Variants in NWD1 observed in about 807,000 individuals in gnomAD.
NWD1 encodes the protein NACHT domain- and WD repeat-containing protein 1.
A neutral mutation model predicts 135.1 loss-of-function variants in NWD1; 129 were observed. That is an observed-to-expected ratio of 0.96 (90% CI 0.83 to 1.11). NWD1 has a LOEUF of 1.11. NWD1 is among the 50% of genes least tolerant of loss of function. The pLI is 0.00. For missense variants in NWD1, 1,740 were observed against 1,851.3 expected, an observed-to-expected ratio of 0.94 and a Z score of 1.10; for synonymous variants, 773 against 786.0, an observed-to-expected ratio of 0.98 and a Z score of 0.28.
chr19:16,758,978 T>C (rs1208729466), intron 6 of NWD1, among the ~76,000 whole-genome samples: 2 of 116,814 alleles, frequency 1.7e-5, no homozygotes, highest in East Asian at 2.9e-4. Context: ...CACTCCAACC[T>C]GGGCGACAGA....
chr19:16,771,977 G>C (rs1434086106), intron 10 of NWD1, among the ~76,000 whole-genome samples: 1 of 151,758 alleles, frequency 6.6e-6, no homozygotes, highest in Non-Finnish European at 1.5e-5. Context: ...TTTCTTAATA[G>C]CCCATTTTTT....
intron 17 of NWD1, among the ~76,000 whole-genome samples, chr19:16,805,692 T>C (rs574762455): frequency 5.0e-4 from 76 of 152,170 alleles, no homozygotes; most frequent in Non-Finnish European, 9.3e-4. Context: ...CCTCGAGAAT[T>C]GTAACCTCAC....
chr19:16,813,534 T>G (rs1279142376), intron 18 of NWD1, among the ~76,000 whole-genome samples: 1 of 152,090 alleles, frequency 6.6e-6, no homozygotes, highest in Non-Finnish European at 1.5e-5. Flanking sequence ...TGGAGTGCAG[T>G]GGTGCAATCT....
chr19:16,807,851 G>C lies in NWD1; in HGVS notation c.4002G>C (p.Pro1334=). Residue 1334 remains proline, a synonymous_variant, in exon 18 of 19, where the codon CCG becomes CCC. Transcript: ENST00000524140. ...ACATCACCTCCGGGGACCCCTGCCC[G>C]GTCATCGATGGGCCAAGATACACCT... ...VLDITSGDPC[P]VIDGPRYTFY... 1 of 1,614,134 alleles carries C rather than the reference G, an allele frequency of 6.2e-7. No individual in the cohort carries two copies. The highest frequency in any genetic ancestry group is 8.5e-7 in the Non-Finnish European group (1 of 1,180,040).
chr19:16,795,081 G>C (rs1970375542), intron 15 of NWD1, among the ~76,000 whole-genome samples: 1 of 152,230 alleles, frequency 6.6e-6, no homozygotes, highest in African/African-American at 2.4e-5. Flanking sequence ...ATTGCGCCCA[G>C]CCCTTTCTTT....
At chr19:16,781,178 T>C (rs773927) in intron 12 of NWD1, among the ~76,000 whole-genome samples, 13,918 of 152,202 alleles carry the variant, frequency 0.091, 1,086 homozygotes, top group African/African-American at 0.21. Flanking sequence ...TGAAGAGAGA[T>C]AGACGAGGGT....
At chr19:16,734,825 A>G (rs913162323) in intron 3 of NWD1, among the ~76,000 whole-genome samples, 1 of 151,978 alleles carries the variant, frequency 6.6e-6, no homozygotes, top group Non-Finnish European at 1.5e-5. Flanking sequence ...GCCTCAAGAG[A>G]TCCTCCTCCC....
Position 16,773,290 on chromosome 19 carries a change from C to T in NWD1, c.2575C>T (p.Pro859Ser), listed in dbSNP as rs750588008. 131 of 1,612,988 alleles carry T rather than the reference C, an allele frequency of 8.1e-5. No individual in the cohort carries two copies. Among genetic ancestry groups the T allele is most frequent in the Admixed American group, 4.7e-4 (28 of 59,994 alleles). The change falls in exon 11 of 19, where the codon CCC becomes TCC. Residue 859 changes from proline (P) to serine (S), a missense_variant. By Grantham distance (74) the Pro-to-Ser change is moderately conservative. Coordinates refer to ENST00000524140, the MANE Select transcript of NWD1 (RefSeq NM_001007525.5). ...AGGATTCCTCCAGCCCCCGGGAGGA[C>T]CCCTCCGGGCAACTCTCAGCGGCTG... The part of the protein sequence containing the change: ...LGGFLQPPGG[P>S]LRATLSGCHK...
intron 4 of NWD1, among the ~76,000 whole-genome samples, chr19:16,737,246 T>C (rs541459848): frequency 6.6e-6 from 1 of 152,138 alleles, no homozygotes. Flanking sequence ...CTATTAAAAT[T>C]GAATGATATT....
At chr19:16,796,148 A>G (rs1304962286) in intron 15 of NWD1, among the ~76,000 whole-genome samples, 2 of 152,076 alleles carry the variant, frequency 1.3e-5, no homozygotes, top group Non-Finnish European at 2.9e-5. Flanking sequence ...TCAATTGGTT[A>G]AAAAGCATTA....
intron 12 of NWD1, among the ~76,000 whole-genome samples, chr19:16,779,946 C>T (rs773929): frequency 0.091 from 13,898 of 152,164 alleles, 1,080 homozygotes; most frequent in African/African-American, 0.21. Flanking sequence ...TTCTTTAGCT[C>T]ACTTCCTGTG....
At chr19:16,778,175 G>A (rs752205972) in intron 11 of NWD1, among the ~76,000 whole-genome samples, 12 of 152,140 alleles carry the variant, frequency 7.9e-5, no homozygotes, top group Non-Finnish European at 1.5e-4. Context: ...ATGTGGAAGA[G>A]GCACACAGAA....
chr19:16,724,302 T>C lies in NWD1; in HGVS notation c.-104-64T>C, dbSNP rs554367539. The C allele has an allele frequency of 2.6e-5, 4 of 152,348 alleles. No homozygotes were observed. In the East Asian group the frequency reaches 7.7e-4, roughly 29 times the overall value. 9.4% of individuals were successfully genotyped at this position (152,348 alleles called of 1,614,324 possible). A position where few individuals can be genotyped will look rare whatever the true frequency, so the allele number is the denominator to read the frequency against. On this transcript the variant is annotated intron_variant, in intron 1 of 18. Transcript: ENST00000524140. ...CATTAATTTTGATCTGCTAACACAT[T>C]GCACTACCTCATATATTGCTGCAGA... is the stretch of plus-strand genomic sequence containing the variant.
At chr19:16,783,964 C>T (rs1379285425) in intron 12 of NWD1, among the ~76,000 whole-genome samples, 1 of 152,032 alleles carries the variant, frequency 6.6e-6, no homozygotes, top group East Asian at 1.9e-4. Context: ...GTAATCCCAA[C>T]ACTTCGGGAG....
chr19:16,728,439 C>A (rs1164080676), intron 2 of NWD1, among the ~76,000 whole-genome samples: 2 of 151,884 alleles, frequency 1.3e-5, no homozygotes, highest in African/African-American at 4.8e-5. Context: ...CACCTGCCAC[C>A]ATGTCTGACT....
At chr19:16,769,770 T>C (rs1487235876) in intron 10 of NWD1, among the ~76,000 whole-genome samples, 2 of 152,358 alleles carry the variant, frequency 1.3e-5, no homozygotes, top group East Asian at 1.9e-4. Flanking sequence ...AACTTCTCTA[T>C]GTCTCCCCGA....
intron 12 of NWD1, among the ~76,000 whole-genome samples, chr19:16,784,908 G>A (rs544720106): frequency 1.1e-4 from 16 of 150,740 alleles, no homozygotes; most frequent in Non-Finnish European, 2.2e-4. Flanking sequence ...CAGCCTGGGC[G>A]ATGACAGAGT....
rs61995711 is a variant in NWD1, at chr19:16,761,983, C to T, written c.1978C>T (p.Leu660=). The change falls in exon 8 of 19, where the codon CTG becomes TTG. Residue 660 remains leucine (L), a synonymous_variant. Coordinates refer to ENST00000524140, the MANE Select transcript of NWD1 (RefSeq NM_001007525.5). The part of the protein sequence containing the change: ...FTLLAIAHRQ[L]VEVVRERYLS... Reference sequence around the variant, plus strand: ...GTCTGTATACCCTCTCTGTAGACAGCTGGTCGAGGTGGTCCGTGAGCGCTA... The same window carrying T: ...GTCTGTATACCCTCTCTGTAGACAGTTGGTCGAGGTGGTCCGTGAGCGCTA... The T allele has an allele frequency of 0.02, 31,915 of 1,613,410 alleles. 384 individuals are homozygous for T. Among genetic ancestry groups the T allele is most frequent in the Non-Finnish European group, 0.024 (27,974 of 1,179,476 alleles).
intron 4 of NWD1, among the ~76,000 whole-genome samples, chr19:16,743,557 A>G (rs1488483941): frequency 2.0e-5 from 3 of 152,138 alleles, no homozygotes; most frequent in Non-Finnish European, 4.4e-5. Context: ...GCTCCAGGCT[A>G]TAAGGGCGGT....
Sources: gnomAD v4.1 joint callset for allele counts (sites outside exome capture counted in the v4.1 genomes callset) on GRCh38, gnomAD v4.1.1 for gene constraint, MANE v1.5 for transcripts, NCBI Gene and HGNC (gene_info 2026-07-23, HGNC 2026-07-21) for gene names.